The following HDAC9 variants were observed in gnomAD, a reference collection of about 807,000 sequenced individuals.
The protein encoded by HDAC9 is histone deacetylase 9.
HDAC9 carries 41 observed loss-of-function variants against 139.4 expected under a neutral mutation model. That is an observed-to-expected ratio of 0.29 (90% CI 0.23 to 0.38). HDAC9 has a LOEUF of 0.38. Among genes scored for constraint, HDAC9 ranks in the 10% least tolerant of loss-of-function variants. HDAC9 has a pLI of 1.00. For missense variants in HDAC9, 1,147 were observed against 1,297.0 expected (o/e 0.88, Z 1.78); for synonymous variants, 517 against 476.2 (o/e 1.09, Z -1.12).
At chr7:18,598,051 T>C (rs1832949072) in intron 6 of HDAC9, among the ~76,000 whole-genome samples, 3 of 152,194 alleles carry the variant, frequency 2.0e-5, no homozygotes, top group Admixed American at 6.6e-5. Context: ...TCAGCAGTTA[T>C]GTTCTAGTAC....
intron 2 of HDAC9, among the ~76,000 whole-genome samples, chr7:18,176,389 A>G (rs888117646): frequency 6.6e-6 from 1 of 152,190 alleles, no homozygotes; most frequent in African/African-American, 2.4e-5. Context: ...AAGTCATTGT[A>G]GTTACTTGTT....
chr7:18,181,106 C>CT (rs934060679), intron 2 of HDAC9, among the ~76,000 whole-genome samples: 26 of 152,088 alleles, frequency 1.7e-4, no homozygotes, highest in Admixed American at 2.6e-4. Context: ...CTGGGAAGTC[C>CT]TTTTTTTTCC....
At chr7:18,876,499 G>C (rs1799329818) in intron 22 of HDAC9, among the ~76,000 whole-genome samples, 1 of 152,124 alleles carries the variant, frequency 6.6e-6, no homozygotes, top group Admixed American at 6.6e-5. Flanking sequence ...AATGAGAAGA[G>C]AAGTCCTTAG....
chr7:18,990,754 G>A (rs527489623), intron 25 of HDAC9, among the ~76,000 whole-genome samples: 7 of 152,322 alleles, frequency 4.6e-5, no homozygotes, highest in African/African-American at 9.6e-5. Context: ...CTCCTGGTGC[G>A]CCGTTTTTTA....
chr7:18,751,103 A>T (rs1788407333), intron 14 of HDAC9, among the ~76,000 whole-genome samples: 1 of 152,172 alleles, frequency 6.6e-6, no homozygotes, highest in African/African-American at 2.4e-5. Flanking sequence ...GTCTATTATC[A>T]TCCTTTTCTG....
At chr7:18,421,029 T>C (rs1156991803) in intron 1 of HDAC9, among the ~76,000 whole-genome samples, 1 of 152,220 alleles carries the variant, frequency 6.6e-6, no homozygotes, top group Non-Finnish European at 1.5e-5. Context: ...CCTTGTACCT[T>C]GATTTGCTTT....
chr7:18,812,485 A>G (rs549065734), intron 17 of HDAC9, among the ~76,000 whole-genome samples: 3 of 152,110 alleles, frequency 2.0e-5, no homozygotes, highest in Admixed American at 6.5e-5. Context: ...TTCACACTCT[A>G]AAGATATATT....
chr7:18,943,162 A>G (rs1782136278), intron 23 of HDAC9, among the ~76,000 whole-genome samples: 1 of 152,026 alleles, frequency 6.6e-6, no homozygotes, highest in South Asian at 2.1e-4. Flanking sequence ...ATTGATATCC[A>G]GACTACAGAC....
chr7:18,610,629 T>A (rs541984779), intron 6 of HDAC9, among the ~76,000 whole-genome samples: 135 of 152,190 alleles, frequency 8.9e-4, no homozygotes, highest in Non-Finnish European at 1.7e-3. Flanking sequence ...ATGGGCAGCT[T>A]TGATGTATAA....
intron 1 of HDAC9, among the ~76,000 whole-genome samples, chr7:18,367,793 C>T (rs988784678): frequency 6.6e-6 from 1 of 152,030 alleles, no homozygotes; most frequent in Non-Finnish European, 1.5e-5. Context: ...AATGTATATG[C>T]CCATCAGCAG....
intron 2 of HDAC9, among the ~76,000 whole-genome samples, chr7:18,576,618 C>T (rs900832862): frequency 3.4e-5 from 5 of 149,180 alleles, no homozygotes; most frequent in African/African-American, 5.0e-5. Flanking sequence ...GCCGAGATCG[C>T]GCCACTGCAC....
intron 1 of HDAC9, among the ~76,000 whole-genome samples, chr7:18,468,859 C>T (rs1362754408): frequency 6.6e-6 from 1 of 152,158 alleles, no homozygotes; most frequent in Non-Finnish European, 1.5e-5. Context: ...CTCTGAGCCT[C>T]CAGACTGTGG....
At chr7:18,541,331 G>C (rs1224177353) in intron 2 of HDAC9, among the ~76,000 whole-genome samples, 1 of 151,940 alleles carries the variant, frequency 6.6e-6, no homozygotes, top group African/African-American at 2.4e-5. Flanking sequence ...CGGTGTGCCA[G>C]CCAAGATTCC....
chr7:18,258,282 A>G (rs1795410612), intron 2 of HDAC9, among the ~76,000 whole-genome samples: 1 of 152,228 alleles, frequency 6.6e-6, no homozygotes, highest in Admixed American at 6.5e-5. Flanking sequence ...ACTGGGTTAA[A>G]TGAGAGATGT....
At chr7:18,892,192 T>G (rs1420116675) in intron 22 of HDAC9, 1 of 152,168 alleles carries the variant, frequency 6.6e-6, no homozygotes, top group Non-Finnish European at 1.5e-5. Flanking sequence ...ATTGATGTCT[T>G]CAGTCGTCAT....
In HDAC9 at chr7:18,718,104, A is replaced by G. The variant is rs371745339; in HGVS notation, c.1732-9476A>G. ...ACATTTTCATCACCGCCCAAAAGAA[A>G]CTGTACCCATTAGCAGTAACTTCAT... On this transcript the variant is annotated intron_variant, in intron 12 of 25. Transcript: ENST00000686413. Among the ~76,000 whole-genome samples, 11 of 152,036 alleles carry G rather than the reference A, an allele frequency of 7.2e-5. 1 individual carries two copies. Among genetic ancestry groups the G allele is most frequent in the African/African-American group, 2.7e-4 (11 of 41,348 alleles).
At chr7:18,518,760 T>C (rs1198648397) in intron 2 of HDAC9, among the ~76,000 whole-genome samples, 1 of 152,238 alleles carries the variant, frequency 6.6e-6, no homozygotes, top group Admixed American at 6.5e-5. Flanking sequence ...CCTGGCTGGC[T>C]CCTCCATGTC....
At chr7:18,258,756 A>G (rs1795446802) in intron 2 of HDAC9, among the ~76,000 whole-genome samples, 1 of 152,212 alleles carries the variant, frequency 6.6e-6, no homozygotes, top group Non-Finnish European at 1.5e-5. Context: ...AAGAAAAGAA[A>G]GGGAAAACTA....
chr7:18,939,311 T>G lies in HDAC9; in HGVS notation c.2937+3369T>G, dbSNP rs550468248. ...TTTAAGGGTAACAATGAATATGGGATTATTGAATTTTTGAAAGGTAAATTT... is the reference window on the plus strand; with the variant it reads ...TTTAAGGGTAACAATGAATATGGGAGTATTGAATTTTTGAAAGGTAAATTT... On this transcript the variant is annotated intron_variant, in intron 23 of 25. Transcript: ENST00000686413. 6.6e-4 allele frequency among the ~76,000 whole-genome samples: 100 copies of G among 152,328 alleles called. 1 individual carries two copies. The highest frequency in any genetic ancestry group is 2.3e-3 in the African/African-American group (95 of 41,592).
Sources: allele counts gnomAD v4.1 joint callset (sites outside exome capture counted in the v4.1 genomes callset), GRCh38; gene constraint gnomAD v4.1.1; transcripts MANE v1.5; gene names NCBI Gene and HGNC (gene_info 2026-07-23, HGNC 2026-07-21).